SLC25A43: variants seen among roughly 807,000 people sequenced by gnomAD.
SLC25A43 encodes the protein solute carrier family 25, member 43.
Under a neutral mutation model 22.8 loss-of-function variants are expected in SLC25A43, and 10 were observed. The ratio of observed to expected loss-of-function variants is 0.44; its 90% CI spans 0.27 to 0.74. SLC25A43 has a LOEUF of 0.74. Ranked by LOEUF, SLC25A43 falls within the 30% of genes least tolerant of loss-of-function variation. The pLI is 0.17. For missense variants in SLC25A43, 233 were observed against 279.1 expected (o/e 0.83, Z 1.18); for synonymous variants, 106 against 121.6 (o/e 0.87, Z 0.84).
chrX:119,430,984 G>T (rs1043231813), intron 3 of SLC25A43, among the ~76,000 whole-genome samples: 10 of 111,904 alleles, frequency 8.9e-5, no homozygotes, highest in Non-Finnish European at 1.9e-4. Flanking sequence ...TCTGTAAAGG[G>T]CTAAGAGAAT....
At chrX:119,432,112 CAA>C (rs751051302) in intron 3 of SLC25A43, among the ~76,000 whole-genome samples, 4 of 79,893 alleles carry the variant, frequency 5.0e-5, no homozygotes, top group Admixed American at 2.8e-4. Context: ...GAGATCGCTC[CAA>C]AAAAAAAAAA....
At chrX:119,446,580 A>G (rs754994026) in intron 3 of SLC25A43, among the ~76,000 whole-genome samples, 2 of 112,830 alleles carry the variant, frequency 1.8e-5, no homozygotes, top group South Asian at 7.3e-4. Context: ...ACCATCTACA[A>G]TGTCTTGTGA....
At chrX:119,413,596 A>C (rs1243164891) in intron 3 of SLC25A43, among the ~76,000 whole-genome samples, 1 of 110,174 alleles carries the variant, frequency 9.1e-6, no homozygotes, top group Admixed American at 9.8e-5. Context: ...AATCCCAGCT[A>C]CTTGGGAGGC....
chrX:119,399,666 C>T lies in SLC25A43; in HGVS notation c.263C>T (p.Ala88Val). The T allele has an allele frequency of 1.0e-6, 1 of 990,530 alleles. No individual in the cohort carries two copies. The highest frequency in any genetic ancestry group is 2.0e-5 in the African/African-American group (1 of 49,921). The allele number at this position is 990,530 out of a possible 1,213,427, so 81.6% of individuals were successfully genotyped here. ...RLFPCSAVQL[A>V]AYRKFVVLFT... ...TTCCCCTGCAGCGCCGTGCAGCTCG[C>T]CGCCTACCGCAAGTAAGAGCCGGGC... is the stretch of plus-strand genomic sequence containing the variant. Residue 88 changes from alanine to valine, a missense_variant, in exon 1 of 5, where the codon GCC (alanine) becomes GTC (valine). Transcript: ENST00000217909.
chrX:119,400,805 G>A (rs751478166), intron 1 of SLC25A43, among the ~76,000 whole-genome samples: 5 of 111,634 alleles, frequency 4.5e-5, no homozygotes, highest in Non-Finnish European at 9.4e-5. Context: ...GGACTCATGG[G>A]TGGGACCATG....
At chrX:119,425,970 T>C (rs2052499979) in intron 3 of SLC25A43, among the ~76,000 whole-genome samples, 1 of 111,460 alleles carries the variant, frequency 9.0e-6, no homozygotes, top group Non-Finnish European at 1.9e-5. Context: ...CACCCTGTGC[T>C]GAGCAGGCTT....
intron 3 of SLC25A43, among the ~76,000 whole-genome samples, chrX:119,442,877 A>C (rs2052632587): frequency 8.9e-6 from 1 of 112,270 alleles, no homozygotes; most frequent in Non-Finnish European, 1.9e-5. Context: ...TCTTATACTG[A>C]GCATTTTATG....
chrX:119,401,330 T>C (rs1362614588), intron 1 of SLC25A43, among the ~76,000 whole-genome samples: 1 of 111,644 alleles, frequency 9.0e-6, no homozygotes, highest in Middle Eastern at 4.2e-3. Flanking sequence ...AATGCCAGGA[T>C]GGAAGGGGCA....
In SLC25A43 at chrX:119,441,801, T is replaced by C. The variant is rs756523108; in HGVS notation, c.691-10208T>C. ...AAAGGATCTGATTTTTAAAAATCAC[T>C]GTACGTGGCCAGGCGCAGTGGCTCA... On this transcript the variant is annotated intron_variant, in intron 3 of 4. Transcript: ENST00000217909. Among the ~76,000 whole-genome samples, 6 of 111,803 alleles carry C rather than the reference T, an allele frequency of 5.4e-5. No homozygotes were observed. In the East Asian group the frequency reaches 1.7e-3, roughly 32 times the overall value.
chrX:119,453,314 T>C lies in SLC25A43; in HGVS notation c.*249T>C, dbSNP rs1459522907. The C allele has an allele frequency of 1.1e-5, 4 of 364,382 alleles. No individual in the cohort carries two copies. Among genetic ancestry groups the C allele is most frequent in the Non-Finnish European group, 1.9e-5 (4 of 210,908 alleles). The allele number at this position is 364,382 out of a possible 1,213,427, so 30.0% of individuals were successfully genotyped here. On this transcript the variant is annotated 3_prime_UTR_variant, in exon 5 of 5. Coordinates refer to ENST00000217909, the MANE Select transcript of SLC25A43 (RefSeq NM_145305.3). ...TCCACGAGATTTTATAACCAGAGTC[T>C]AGCAGTGATAAAATGTACAATTTAC...
chrX:119,410,250 A>G lies in SLC25A43; in HGVS notation c.578A>G (p.Asn193Ser). Residue 193 changes from asparagine to serine, a missense_variant, in exon 3 of 5, where the codon AAC (asparagine) becomes AGC (serine). Asn to Ser is a conservative substitution (Grantham distance 46, BLOSUM62 1). Coordinates refer to ENST00000217909, the MANE Select transcript of SLC25A43 (RefSeq NM_145305.3). ...TACATGAACCTGGAGAAAATCTGGA[A>G]CGGACCCCGAGATCAGTTCTCTCTC... ...LVYMNLEKIW[N>S]GPRDQFSLPQ... 8.3e-7 allele frequency: 1 copy of G among 1,210,602 alleles called. No homozygotes were observed. The highest frequency in any genetic ancestry group is 1.1e-6 in the Non-Finnish European group (1 of 895,123).
chrX:119,414,870 C>T (rs1303225170), intron 3 of SLC25A43, among the ~76,000 whole-genome samples: 1 of 107,780 alleles, frequency 9.3e-6, no homozygotes, highest in Non-Finnish European at 1.9e-5. Flanking sequence ...ACCTCAGCCT[C>T]CTGAGTAGCT....
chrX:119,429,859 G>A (rs2052538375), intron 3 of SLC25A43, among the ~76,000 whole-genome samples: 2 of 112,042 alleles, frequency 1.8e-5, no homozygotes, highest in Admixed American at 1.9e-4. Context: ...TGGCAGGTTT[G>A]AAGTCCTAGA....
intron 1 of SLC25A43, among the ~76,000 whole-genome samples, chrX:119,404,158 C>T (rs2052265239): frequency 9.0e-6 from 1 of 110,600 alleles, no homozygotes; most frequent in African/African-American, 3.3e-5. Flanking sequence ...CCACCATGCC[C>T]AGCTAATTTT....
At chrX:119,428,851 G>A (rs143491956) in intron 3 of SLC25A43, among the ~76,000 whole-genome samples, 387 of 110,832 alleles carry the variant, frequency 3.5e-3, no homozygotes, top group African/African-American at 0.012. Flanking sequence ...TGAGCTGTGC[G>A]TGCAAGGGAC....
chrX:119,433,295 C>CT (rs1270263674), intron 3 of SLC25A43, among the ~76,000 whole-genome samples: 2 of 111,319 alleles, frequency 1.8e-5, no homozygotes, highest in South Asian at 7.6e-4. Flanking sequence ...GGGCTTCAGT[C>CT]TTTTTTCTTT....
At chrX:119,442,678 G>GT (rs775366543) in intron 3 of SLC25A43, among the ~76,000 whole-genome samples, 1 of 112,139 alleles carries the variant, frequency 8.9e-6, no homozygotes, top group East Asian at 2.8e-4. Context: ...GACATCCACT[G>GT]AAGACCCCTA....
At chrX:119,451,509 G>A (rs187797899) in intron 3 of SLC25A43, among the ~76,000 whole-genome samples, 97 of 111,807 alleles carry the variant, frequency 8.7e-4, no homozygotes, top group South Asian at 1.1e-3. Flanking sequence ...TGCTTCTGTC[G>A]TGAGAGTGAA....
chrX:119,429,098 C>A (rs2052533043), intron 3 of SLC25A43, among the ~76,000 whole-genome samples: 1 of 104,162 alleles, frequency 9.6e-6, no homozygotes, highest in African/African-American at 3.6e-5. Context: ...AGTCGCCAGG[C>A]TGAAGTGCAG....
Sources: gnomAD v4.1 joint callset for allele counts (sites outside exome capture counted in the v4.1 genomes callset) on GRCh38, gnomAD v4.1.1 for gene constraint, MANE v1.5 for transcripts, NCBI Gene and HGNC (gene_info 2026-07-23, HGNC 2026-07-21) for gene names.